TESK2: variants seen among roughly 807,000 people sequenced by gnomAD.
TESK2 encodes dual specificity testis-specific protein kinase 2.
In TESK2, 39 loss-of-function variants were observed where a neutral mutation model predicts 57.1. That is an observed-to-expected ratio of 0.68 (90% CI 0.53 to 0.89). TESK2 has a LOEUF of 0.89. Among genes scored for constraint, TESK2 ranks in the 40% least tolerant of loss-of-function variants. The pLI is 0.00. For missense variants in TESK2, 646 were observed against 732.1 expected, an observed-to-expected ratio of 0.88 and a Z score of 1.36; for synonymous variants, 249 against 267.9, an observed-to-expected ratio of 0.93 and a Z score of 0.69.
intron 1 of TESK2, among the ~76,000 whole-genome samples, chr1:45,466,579 G>T (rs562304908): frequency 6.6e-6 from 1 of 151,524 alleles, no homozygotes; most frequent in African/African-American, 2.4e-5. Context: ...GGTCCCAGGA[G>T]GTCAAGGCTG....
intron 3 of TESK2, among the ~76,000 whole-genome samples, chr1:45,394,148 C>CT (rs926323955): frequency 4.8e-5 from 7 of 145,972 alleles, no homozygotes; most frequent in African/African-American, 1.0e-4. Context: ...AGGAGGGTTG[C>CT]TTTTTTTTTT....
chr1:45,358,451 C>T (rs915852747), intron 4 of TESK2, among the ~76,000 whole-genome samples: 2 of 151,848 alleles, frequency 1.3e-5, no homozygotes, highest in Non-Finnish European at 2.9e-5. Context: ...AGATTCCAGC[C>T]TAGGCAACAG....
intron 2 of TESK2, among the ~76,000 whole-genome samples, chr1:45,422,759 T>TTTTTTGTTGTTGTTGTTGTTG (rs1553152260): frequency 6.8e-5 from 10 of 146,890 alleles, no homozygotes; most frequent in Non-Finnish European, 1.2e-4. Flanking sequence ...TGTCTGGTTT[T>TTTTTTGTTGTTGTTGTTGTTG]TTGTTGTTGT....
At chr1:45,469,139 T>C (rs556172736) in intron 1 of TESK2, among the ~76,000 whole-genome samples, 1 of 152,258 alleles carries the variant, frequency 6.6e-6, no homozygotes, top group Non-Finnish European at 1.5e-5. Context: ...AAAGCTTTGA[T>C]TGGGGAAAGT....
In TESK2 at chr1:45,345,019, T is replaced by C; in HGVS notation, c.1537A>G (p.Met513Val). ...TCTTCCTGGAGAATGGAGCAGTCCA[T>C]AGCCTCATGGGCTTGAGCAGCTGGT... ...ALPAAQAHEA[M>V]DCSILQEENG... The change falls in exon 11 of 11, where the codon ATG becomes GTG. Residue 513 changes from methionine (M) to valine (V), a missense_variant. Coordinates refer to ENST00000372086, the MANE Select transcript of TESK2 (RefSeq NM_007170.3). 1.2e-6 allele frequency: 2 copies of C among 1,614,258 alleles called. No individual in the cohort carries two copies. Among genetic ancestry groups the C allele is most frequent in the Non-Finnish European group, 8.5e-7 (1 of 1,180,048 alleles).
At chr1:45,436,907 C>A (rs534588066) in intron 2 of TESK2, among the ~76,000 whole-genome samples, 1 of 152,072 alleles carries the variant, frequency 6.6e-6, no homozygotes, top group Non-Finnish European at 1.5e-5. Flanking sequence ...AAGCGATCCT[C>A]CCGCCTCAGC....
chr1:45,387,307 G>C (rs953909314), intron 3 of TESK2, among the ~76,000 whole-genome samples: 1 of 152,028 alleles, frequency 6.6e-6, no homozygotes, highest in African/African-American at 2.4e-5. Context: ...ACACATTTAA[G>C]TGATATTTGA....
intron 5 of TESK2, among the ~76,000 whole-genome samples, chr1:45,348,289 C>T (rs149619854): frequency 4.9e-4 from 74 of 152,318 alleles, no homozygotes; most frequent in African/African-American, 1.8e-3. Context: ...CTAGAAATAG[C>T]TAGATGAAAA....
chr1:45,408,846 A>C (rs774140765), intron 3 of TESK2, among the ~76,000 whole-genome samples: 21 of 152,128 alleles, frequency 1.4e-4, no homozygotes, highest in Non-Finnish European at 2.8e-4. Flanking sequence ...ATTGCATTCT[A>C]TCAGATGTTC....
rs755915471 is a variant in TESK2 at position 45,345,017 on chromosome 1, C to G, written c.1539G>C (p.Met513Ile). The part of the protein sequence containing the change: ...ALPAAQAHEA[M>I]DCSILQEENG... ...TTTCTTCCTGGAGAATGGAGCAGTC[C>G]ATAGCCTCATGGGCTTGAGCAGCTG... The change falls in exon 11 of 11, where the codon ATG (methionine) becomes ATC (isoleucine). Residue 513 changes from methionine (M) to isoleucine (I), a missense_variant. Transcript: ENST00000372086. The G allele has an allele frequency of 3.1e-6, 5 of 1,614,232 alleles. No individual in the cohort carries two copies. The highest frequency in any genetic ancestry group is 4.2e-6 in the Non-Finnish European group (5 of 1,180,042).
chr1:45,396,094 AATTTATTTTTATTTATTTTT>A, intron 3 of TESK2, among the ~76,000 whole-genome samples: 1 of 151,822 alleles, frequency 6.6e-6, no homozygotes, highest in East Asian at 1.9e-4. Flanking sequence ...TCACTGGGTA[AATTTATTTTTATTTATTTTT>A]ATTTATTTTT....
chr1:45,347,182 A>T (rs1570633090), intron 7 of TESK2, 120 bp from the exon 8 acceptor site: 1 of 780,994 alleles, frequency 1.3e-6, no homozygotes, highest in African/African-American at 1.7e-5. Flanking sequence ...CATATTGCCC[A>T]TACTTCATCC....
intron 4 of TESK2, among the ~76,000 whole-genome samples, chr1:45,379,447 T>G (rs943593739): frequency 6.6e-6 from 1 of 152,314 alleles, no homozygotes; most frequent in Non-Finnish European, 1.5e-5. Flanking sequence ...GTCACAGGTG[T>G]GAAGCCACTG....
At chr1:45,354,477 T>A (rs4660301) in intron 5 of TESK2, among the ~76,000 whole-genome samples, 40,905 of 151,572 alleles carry the variant, frequency 0.27, 5,806 homozygotes, top group Admixed American at 0.4. Flanking sequence ...ATACAAAAAA[T>A]TAGCGAGGGG....
At chr1:45,484,785 A>G (rs1409408158) in intron 1 of TESK2, among the ~76,000 whole-genome samples, 1 of 151,256 alleles carries the variant, frequency 6.6e-6, no homozygotes, top group African/African-American at 2.4e-5. Flanking sequence ...TAATCCCAGC[A>G]CTTTGGGAGG....
chr1:45,447,522 G>A (rs1183880685), intron 2 of TESK2, among the ~76,000 whole-genome samples: 2 of 151,868 alleles, frequency 1.3e-5, no homozygotes, highest in Non-Finnish European at 2.9e-5. Context: ...TATGATAACA[G>A]TGCCTTATTC....
At chr1:45,422,759 T>TTTGTTGTTGTTGTTGTTGTTGTTG (rs140964940) in intron 2 of TESK2, among the ~76,000 whole-genome samples, 21,851 of 146,832 alleles carry the variant, frequency 0.15, 1,853 homozygotes, top group South Asian at 0.19. Context: ...TGTCTGGTTT[T>TTTGTTGTTGTTGTTGTTGTTGTTG]TTGTTGTTGT....
rs141151898 is a variant in TESK2, at chr1:45,439,536, C to T, written c.223-17690G>A. On this transcript the variant is annotated intron_variant, in intron 2 of 10. Coordinates refer to ENST00000372086, the MANE Select transcript of TESK2 (RefSeq NM_007170.3). ...TTTATAACATTATTCTAATGCTTTA[C>T]GCATAATAGTTCATTATATTTTCTC... is the stretch of plus-strand genomic sequence containing the variant. Among the ~76,000 whole-genome samples the T allele has an allele frequency of 2.4e-3, 371 of 152,226 alleles. 5 individuals are homozygous for T. Among genetic ancestry groups the T allele is most frequent in the Admixed American group, 0.02 (298 of 15,276 alleles).
At chr1:45,345,810 G>A (rs1647134892) in intron 10 of TESK2, 67 bp downstream of exon 10, 3 of 1,310,012 alleles carry the variant, frequency 2.3e-6, no homozygotes, top group Non-Finnish European at 3.3e-6. Flanking sequence ...AACCCTAAGA[G>A]GAGAAGGCCC....
Sources: allele counts gnomAD v4.1 joint callset (sites outside exome capture counted in the v4.1 genomes callset), GRCh38; gene constraint gnomAD v4.1.1; transcripts MANE v1.5; gene names NCBI Gene and HGNC (gene_info 2026-07-23, HGNC 2026-07-21).